Variants in CLEC16A observed in about 807,000 individuals in gnomAD.
CLEC16A encodes the protein C-type lectin domain containing 16A.
In CLEC16A, 51 loss-of-function variants were observed where a neutral mutation model predicts 109.5. The ratio of observed to expected loss-of-function variants is 0.47; its 90% CI spans 0.37 to 0.59. The LOEUF is 0.59. Among genes scored for constraint, CLEC16A ranks in the 20% least tolerant of loss-of-function variants. CLEC16A has a pLI of 0.00. For missense variants in CLEC16A, 1,339 were observed against 1,394.0 expected (o/e 0.96, Z 0.63); for synonymous variants, 673 against 564.2 (o/e 1.19, Z -2.73).
intron 22 of CLEC16A, among the ~76,000 whole-genome samples, chr16:11,161,982 G>A (rs2054739153): frequency 6.6e-6 from 1 of 152,160 alleles, no homozygotes. Context: ...GAGGAGGAGG[G>A]GGGCATGTCC....
chr16:11,008,594 G>A (rs2045189318), intron 11 of CLEC16A, among the ~76,000 whole-genome samples: 1 of 152,008 alleles, frequency 6.6e-6, no homozygotes, highest in Non-Finnish European at 1.5e-5. Context: ...GAAAGATGTG[G>A]CCTTCCCTGC....
At chr16:11,146,047 C>G (rs2054041321) in intron 22 of CLEC16A, among the ~76,000 whole-genome samples, 1 of 152,206 alleles carries the variant, frequency 6.6e-6, no homozygotes, top group Non-Finnish European at 1.5e-5. Flanking sequence ...TTGGAGGGCC[C>G]TGACCTGGGT....
chr16:11,075,394 G>C (rs1053671047), intron 19 of CLEC16A, among the ~76,000 whole-genome samples: 10 of 132,172 alleles, frequency 7.6e-5, no homozygotes, highest in African/African-American at 3.0e-4. Flanking sequence ...GTGTGTGTGT[G>C]TGTGTGTGTG....
chr16:11,036,544 C>CTTTTTTTTTTTTTTTTTTTTTTTTTT (rs71404440), intron 13 of CLEC16A, among the ~76,000 whole-genome samples: 1 of 131,902 alleles, frequency 7.6e-6, no homozygotes, highest in African/African-American at 2.9e-5. Flanking sequence ...TCTAATTTTC[C>CTTTTTTTTTTTTTTTTTTTTTTTTTT]TTTTTTTTTT....
chr16:11,128,929 C>G (rs936813810), intron 22 of CLEC16A, among the ~76,000 whole-genome samples: 1 of 152,214 alleles, frequency 6.6e-6, no homozygotes, highest in Non-Finnish European at 1.5e-5. Flanking sequence ...GTACTTAAAT[C>G]AGATTACGTC....
chr16:10,985,595 C>A (rs72770083), intron 10 of CLEC16A, among the ~76,000 whole-genome samples: 1 of 151,750 alleles, frequency 6.6e-6, no homozygotes, highest in Admixed American at 6.6e-5. Flanking sequence ...GGATAGCTGC[C>A]GTGGCTTCAT....
chr16:10,959,946 A>T (rs1442837323), intron 2 of CLEC16A, among the ~76,000 whole-genome samples: 1 of 152,042 alleles, frequency 6.6e-6, no homozygotes, highest in Non-Finnish European at 1.5e-5. Context: ...TCCCAAGATG[A>T]CACCCTGTCC....
At chr16:11,113,993 A>G (rs1472009423) in intron 19 of CLEC16A, among the ~76,000 whole-genome samples, 3 of 152,208 alleles carry the variant, frequency 2.0e-5, no homozygotes, top group East Asian at 3.8e-4. Flanking sequence ...TTATTCTCCC[A>G]CTAGCAGCTT....
intron 19 of CLEC16A, among the ~76,000 whole-genome samples, chr16:11,079,825 G>A (rs74361398): frequency 1.3e-4 from 20 of 152,190 alleles, no homozygotes; most frequent in Non-Finnish European, 2.6e-4. Context: ...AACATCTACA[G>A]CTTTCACTGT....
Position 11,131,138 on chromosome 16 carries a change from G to A in CLEC16A, c.2641+4992G>A, listed in dbSNP as rs142619548. On this transcript the variant is annotated intron_variant, in intron 22 of 23. Transcript: ENST00000409790. Reference sequence around the variant, plus strand: ...ATTGTGCGTGCGCCTGGCCAAGGAGGGGGGTCAGTGGCGGCCAGTATGTGG... The same window carrying A: ...ATTGTGCGTGCGCCTGGCCAAGGAGAGGGGTCAGTGGCGGCCAGTATGTGG... Among the ~76,000 whole-genome samples the A allele has an allele frequency of 2.6e-5, 4 of 152,312 alleles. No individual in the cohort carries two copies. In the East Asian group the frequency reaches 7.7e-4, roughly 29 times the overall value.
At chr16:11,084,779 C>T (rs2049919853) in intron 19 of CLEC16A, among the ~76,000 whole-genome samples, 1 of 152,206 alleles carries the variant, frequency 6.6e-6, no homozygotes, top group Admixed American at 6.5e-5. Flanking sequence ...CCTGGTGCCC[C>T]TTCCATTCCC....
intron 10 of CLEC16A, among the ~76,000 whole-genome samples, chr16:10,990,681 C>G (rs1206450444): frequency 6.6e-6 from 1 of 152,258 alleles, no homozygotes; most frequent in Admixed American, 6.5e-5. Context: ...TTTTCTATAT[C>G]TGTCCTGCAG....
At chr16:10,983,451 C>G (rs914893647) in intron 10 of CLEC16A, among the ~76,000 whole-genome samples, 2 of 152,160 alleles carry the variant, frequency 1.3e-5, no homozygotes, top group Non-Finnish European at 1.5e-5. Context: ...TGCTGTTCTG[C>G]AGGAATATGG....
At chr16:11,013,498 C>T (rs2045561045) in intron 11 of CLEC16A, among the ~76,000 whole-genome samples, 1 of 152,136 alleles carries the variant, frequency 6.6e-6, no homozygotes. Context: ...GGTGTGCTGG[C>T]TCACACCTGT....
intron 18 of CLEC16A, among the ~76,000 whole-genome samples, 198 bp from the exon 19 acceptor site, chr16:11,060,704 G>C (rs929902025): frequency 6.7e-6 from 1 of 149,186 alleles, no homozygotes; most frequent in African/African-American, 2.6e-5. Context: ...ACTGAAAACA[G>C]GCTACTCCCC....
At chr16:11,023,992 C>T (rs1416578792) in intron 12 of CLEC16A, among the ~76,000 whole-genome samples, 1 of 152,318 alleles carries the variant, frequency 6.6e-6, no homozygotes, top group Non-Finnish European at 1.5e-5. Flanking sequence ...GTGCCATTTC[C>T]GATTTTTGCA....
At chr16:11,036,640 C>T (rs540151639) in intron 13 of CLEC16A, among the ~76,000 whole-genome samples, 3 of 151,586 alleles carry the variant, frequency 2.0e-5, no homozygotes, top group Admixed American at 6.6e-5. Flanking sequence ...ACCTCCGCCT[C>T]CTGGGTTCAA....
chr16:11,091,977 CCT>C (rs1489630438), intron 19 of CLEC16A, among the ~76,000 whole-genome samples: 1 of 152,166 alleles, frequency 6.6e-6, no homozygotes, highest in African/African-American at 2.4e-5. Flanking sequence ...CGTCGGCTGC[CCT>C]CTCTCACTGT....
chr16:11,090,675 C>T (rs1294262773), intron 19 of CLEC16A, among the ~76,000 whole-genome samples: 2 of 152,054 alleles, frequency 1.3e-5, no homozygotes, highest in Non-Finnish European at 2.9e-5. Flanking sequence ...GAGAGAGTCT[C>T]GCTCTGTTGT....
Sources: gnomAD v4.1 joint callset for allele counts (sites outside exome capture counted in the v4.1 genomes callset) on GRCh38, gnomAD v4.1.1 for gene constraint, MANE v1.5 for transcripts, NCBI Gene and HGNC (gene_info 2026-07-23, HGNC 2026-07-21) for gene names.